The following TSHZ2 variants were observed in gnomAD, a reference collection of about 807,000 sequenced individuals.
TSHZ2 encodes the protein teashirt homolog 2.
Under a neutral mutation model 74.4 loss-of-function variants are expected in TSHZ2, and 21 were observed. The observed-to-expected ratio is 0.28, with a 90% CI of 0.20 to 0.41. TSHZ2 has a LOEUF of 0.41. TSHZ2 is among the 10% of genes least tolerant of loss of function. The probability of loss-of-function intolerance (pLI) is 1.00; values close to 1 mark genes in which losing one functional copy is unlikely to be tolerated. For missense variants in TSHZ2, 1,244 were observed against 1,293.5 expected (o/e 0.96, Z 0.59); for synonymous variants, 540 against 515.3 (o/e 1.05, Z -0.65).
intron 2 of TSHZ2, among the ~76,000 whole-genome samples, chr20:53,392,503 G>C (rs1400739414): frequency 6.6e-6 from 1 of 152,164 alleles, no homozygotes; most frequent in Non-Finnish European, 1.5e-5. Flanking sequence ...GTGTACTTAA[G>C]ATGTAATATT....
At chr20:53,473,064 G>A (rs1985875330) in intron 2 of TSHZ2, among the ~76,000 whole-genome samples, 1 of 149,640 alleles carries the variant, frequency 6.7e-6, no homozygotes, top group Non-Finnish European at 1.5e-5. Flanking sequence ...CTGCAAGATG[G>A]CAGTGAGGCT....
chr20:52,987,231 T>C (rs1368673820), intron 1 of TSHZ2, among the ~76,000 whole-genome samples: 3 of 152,162 alleles, frequency 2.0e-5, no homozygotes, highest in African/African-American at 4.8e-5. Flanking sequence ...GAGGAGTGGT[T>C]CTCAACCTTT....
At chr20:53,173,682 C>T (rs1386826026) in intron 1 of TSHZ2, among the ~76,000 whole-genome samples, 1 of 151,944 alleles carries the variant, frequency 6.6e-6, no homozygotes, top group African/African-American at 2.4e-5. Context: ...TTAAATGAAA[C>T]AGTCAACAGT....
At chr20:53,440,789 T>C (rs924495259) in intron 2 of TSHZ2, among the ~76,000 whole-genome samples, 1 of 152,224 alleles carries the variant, frequency 6.6e-6, no homozygotes, top group South Asian at 2.1e-4. Flanking sequence ...GCAAACACTT[T>C]CTTAGCTCAA....
intron 2 of TSHZ2, among the ~76,000 whole-genome samples, chr20:53,409,863 T>G (rs1217482588): frequency 1.7e-5 from 2 of 115,740 alleles, no homozygotes; most frequent in East Asian, 2.9e-4. Context: ...TTTTTTTTTT[T>G]TGAGACGGAG....
intron 2 of TSHZ2, chr20:53,421,661 G>T: frequency 6.4e-6 from 1 of 157,410 alleles, no homozygotes; most frequent in South Asian, 1.7e-4. Flanking sequence ...CCACTCTAAT[G>T]AGTTTATCTT....
intron 1 of TSHZ2, among the ~76,000 whole-genome samples, chr20:52,987,093 T>C (rs1600631275): frequency 6.6e-6 from 1 of 152,100 alleles, no homozygotes. Flanking sequence ...TTCCAAAAAC[T>C]TTGGAAATCT....
chr20:53,354,479 C>A (rs1568882153), intron 2 of TSHZ2, among the ~76,000 whole-genome samples: 1 of 152,194 alleles, frequency 6.6e-6, no homozygotes, highest in Non-Finnish European at 1.5e-5. Context: ...AATTTAAGCA[C>A]AAGAAGATGA....
intron 2 of TSHZ2, among the ~76,000 whole-genome samples, chr20:53,400,740 C>T (rs1982627566): frequency 6.6e-6 from 1 of 152,170 alleles, no homozygotes; most frequent in African/African-American, 2.4e-5. Context: ...GACCTCTGTG[C>T]ATCTAATGAG....
rs117788986 is a variant in TSHZ2, at chr20:53,483,606, A to C, written c.*9-3538A>C. On this transcript the variant is annotated intron_variant, in intron 2 of 2. Coordinates refer to ENST00000371497, the MANE Select transcript of TSHZ2 (RefSeq NM_173485.6). ...TCATGAAGGTATTTTTCAGCAAACA[A>C]CACTCAGGTATATTTGTGAATCTTA... Among the ~76,000 whole-genome samples the C allele has an allele frequency of 3.3e-4, 50 of 152,334 alleles. 4 individuals are homozygous for C. The East Asian group carries it at 9.3e-3, about 28-fold the overall frequency.
At position 53,283,601 on chromosome 20, in the gene TSHZ2, A is replaced by C. The variant is rs118172263; in HGVS notation, c.*8+27030A>C. Among the ~76,000 whole-genome samples the C allele has an allele frequency of 8.3e-3, 1,263 of 152,300 alleles. 24 individuals carry two copies. Among genetic ancestry groups the C allele is most frequent in the Non-Finnish European group, 8.6e-3 (583 of 68,036 alleles). On this transcript the variant is annotated intron_variant, in intron 2 of 2. Coordinates refer to ENST00000371497, the MANE Select transcript of TSHZ2 (RefSeq NM_173485.6). Reference sequence around the variant, plus strand: ...CAAAAAAAGGAAAAAATAAAATAGTAAGAAGAATAAACATATACTGAAAGC... The same window carrying C: ...CAAAAAAAGGAAAAAATAAAATAGTCAGAAGAATAAACATATACTGAAAGC...
intron 2 of TSHZ2, among the ~76,000 whole-genome samples, chr20:53,328,511 G>A (rs367749490): frequency 5.7e-4 from 87 of 152,282 alleles, no homozygotes; most frequent in African/African-American, 1.7e-3. Flanking sequence ...TGAACCGTCC[G>A]GAACATCTGT....
chr20:53,252,904 T>C (rs969574510), intron 1 of TSHZ2, among the ~76,000 whole-genome samples: 1 of 152,222 alleles, frequency 6.6e-6, no homozygotes, highest in African/African-American at 2.4e-5. Context: ...GCATACCCCA[T>C]CATCTCTCTT....
At chr20:53,485,002 T>C (rs1986256705) in intron 2 of TSHZ2, among the ~76,000 whole-genome samples, 2 of 152,300 alleles carry the variant, frequency 1.3e-5, no homozygotes, top group South Asian at 2.1e-4. Flanking sequence ...AATAACAAGA[T>C]GTAAACAAGA....
intron 2 of TSHZ2, among the ~76,000 whole-genome samples, chr20:53,476,379 C>T (rs1459004399): frequency 6.6e-6 from 1 of 151,278 alleles, no homozygotes; most frequent in African/African-American, 2.4e-5. Flanking sequence ...AAGTGTAATC[C>T]AGCATATAAA....
At chr20:53,107,584 G>A (rs1174028708) in intron 1 of TSHZ2, among the ~76,000 whole-genome samples, 1 of 152,186 alleles carries the variant, frequency 6.6e-6, no homozygotes, top group East Asian at 1.9e-4. Flanking sequence ...GTGTGTAATA[G>A]CATCTAGGAC....
At chr20:53,329,514 T>G (rs549273360) in intron 2 of TSHZ2, among the ~76,000 whole-genome samples, 1 of 152,298 alleles carries the variant, frequency 6.6e-6, no homozygotes, top group East Asian at 1.9e-4. Flanking sequence ...TCCATATCAA[T>G]ATCAGTCTGA....
At chr20:53,402,171 G>C (rs974822433) in intron 2 of TSHZ2, among the ~76,000 whole-genome samples, 1 of 152,198 alleles carries the variant, frequency 6.6e-6, no homozygotes, top group African/African-American at 2.4e-5. Context: ...CTATAAACAT[G>C]AGTGTGCAAG....
At chr20:53,269,821 A>G (rs1990797428) in intron 2 of TSHZ2, among the ~76,000 whole-genome samples, 2 of 151,914 alleles carry the variant, frequency 1.3e-5, no homozygotes, top group African/African-American at 2.4e-5. Flanking sequence ...AAGAAAATCC[A>G]TGTCATTGAT....
Sources: allele counts gnomAD v4.1 joint callset (sites outside exome capture counted in the v4.1 genomes callset), GRCh38; gene constraint gnomAD v4.1.1; transcripts MANE v1.5; gene names NCBI Gene and HGNC (gene_info 2026-07-23, HGNC 2026-07-21).